The following UBN1 variants were observed in gnomAD, a reference collection of about 807,000 sequenced individuals.
UBN1 encodes ubinuclein 1, also known as ubinuclein-1.
Under a neutral mutation model 108.5 loss-of-function variants are expected in UBN1, and 17 were observed. That is an observed-to-expected ratio of 0.16 (90% confidence interval 0.11 to 0.24). The LOEUF is 0.24. Ranked by LOEUF, UBN1 falls within the 10% of genes least tolerant of loss-of-function variation. The pLI is 1.00. For synonymous variants in UBN1, 726 were observed against 564.2 expected (o/e 1.29, Z -4.07); for missense variants, 1,595 against 1,394.4 (o/e 1.14, Z -2.29).
At chr16:4,878,697 G>T (rs552374189) in intron 17 of UBN1, among the ~76,000 whole-genome samples, 1 of 152,152 alleles carries the variant, frequency 6.6e-6, no homozygotes, top group Non-Finnish European at 1.5e-5. Flanking sequence ...TTACTCTCAG[G>T]AATGTTACTC....
intron 10 of UBN1, 56 bp downstream of exon 10, chr16:4,870,690 C>T: frequency 6.2e-7 from 1 of 1,604,936 alleles, no homozygotes; most frequent in Non-Finnish European, 8.5e-7. Context: ...TCTTCCCCTC[C>T]CGTTTCTCGG....
At chr16:4,854,355 G>GT (rs35107315) in intron 2 of UBN1, among the ~76,000 whole-genome samples, 1 of 142,432 alleles carries the variant, frequency 7.0e-6, no homozygotes, top group South Asian at 2.3e-4. Context: ...TGTTGTTGTT[G>GT]TTTTTTGAGA....
intron 7 of UBN1, among the ~76,000 whole-genome samples, chr16:4,867,869 A>G (rs891160640): frequency 5.3e-5 from 8 of 152,150 alleles, no homozygotes; most frequent in Non-Finnish European, 1.0e-4. Context: ...TCGTTACTGT[A>G]TATCATGTCT....
rs748080695 is a variant in UBN1, at chr16:4,877,025, C to A, written c.3179C>A (p.Ala1060Asp). The A allele has an allele frequency of 1.1e-5, 17 of 1,614,128 alleles. No homozygotes were observed. In the East Asian group the frequency reaches 3.3e-4, roughly 32 times the overall value. ...PIPVHVLSFS[A>D]DSSAKAGVSK... ...CCTGTCCATGTGCTCTCCTTCAGCG[C>A]TGACTCCTCTGCCAAAGCAGGGGTC... The change falls in exon 16 of 18, where the codon GCT (alanine) becomes GAT (aspartate). Residue 1060 changes from alanine to aspartate, a missense_variant. Physicochemically the swap from Ala to Asp is moderately radical, Grantham distance 126 (BLOSUM62 -2). Coordinates refer to ENST00000262376, the MANE Select transcript of UBN1 (RefSeq NM_001079514.3). The surrounding 1 kb of genome is among the most constrained non-coding windows in gnomAD (Gnocchi z 4.3).
chr16:4,850,119 T>C lies in UBN1; in HGVS notation c.-40+1909T>C, dbSNP rs187606318. The stretch of plus-strand genomic sequence containing the variant: ...TATGATTGTAAGTCTAACGTACCAT[T>C]GTTAAATATATTGGATTCTCTTAAA... On this transcript the variant is annotated intron_variant, in intron 1 of 17. Coordinates refer to ENST00000262376, the MANE Select transcript of UBN1 (RefSeq NM_001079514.3). Among the ~76,000 whole-genome samples the C allele has an allele frequency of 2.6e-5, 4 of 152,298 alleles. No individual in the cohort carries two copies. The East Asian group carries it at 7.7e-4, about 29-fold the overall frequency.
At chr16:4,873,398 C>T (rs1567948075) in intron 14 of UBN1, among the ~76,000 whole-genome samples, 3 of 152,192 alleles carry the variant, frequency 2.0e-5, no homozygotes, top group Non-Finnish European at 4.4e-5. Flanking sequence ...GGAAGAAATA[C>T]ACTCTAGCCA....
chr16:4,871,420 T>A, intron 12 of UBN1, 119 bp downstream of exon 12: 1 of 1,374,670 alleles, frequency 7.3e-7, no homozygotes. Flanking sequence ...GCCTCAACTC[T>A]GATCTCACCT....
chr16:4,875,236 G>C lies in UBN1; in HGVS notation c.2826G>C (p.Val942=). ...SLVPGIQPPS[V]GQATSRPVPS... is the part of the protein sequence containing the mutation. ...TCCCTGGCATACAGCCTCCCTCCGT[G>C]GGACAGGCCACCAGCCGACCCGTCC... The change falls in exon 15 of 18, where the codon GTG becomes GTC. Residue 942 remains valine, a synonymous_variant. Transcript: ENST00000262376. The C allele has an allele frequency of 1.2e-6, 2 of 1,614,216 alleles. No individual in the cohort carries two copies. Among genetic ancestry groups the C allele is most frequent in the Non-Finnish European group, 8.5e-7 (1 of 1,180,054 alleles).
rs752656883 is a variant in UBN1, at chr16:4,874,854, A to G, written c.2444A>G (p.Lys815Arg). Residue 815 changes from lysine to arginine, a missense_variant, in exon 15 of 18, where the codon AAA becomes AGA. Physicochemically the swap from Lys to Arg is conservative, Grantham distance 26 (BLOSUM62 2). This residue lies in a region of UBN1 where 1,398 missense variants were observed against 1,194.7 expected (regional missense o/e 1.17). Transcript: ENST00000262376. Reference sequence around the variant, plus strand: ...TTTCATGCCGGCACTCAGCAGCAGAAAAACTTCACGCCCCCATCTCCATTT... The same window carrying G: ...TTTCATGCCGGCACTCAGCAGCAGAGAAACTTCACGCCCCCATCTCCATTT... ...KVFHAGTQQQ[K>R]NFTPPSPFAN... The G allele has an allele frequency of 6.2e-7, 1 of 1,614,110 alleles. No individual in the cohort carries two copies. Among genetic ancestry groups the G allele is most frequent in the East Asian group, 2.2e-5 (1 of 44,870 alleles).
At position 4,877,368 on chromosome 16, in the gene UBN1, C is replaced by G. The variant is rs368080340; in HGVS notation, c.3266-17C>G. 1.2e-6 allele frequency: 2 copies of G among 1,605,298 alleles called. No individual in the cohort carries two copies. The highest frequency in any genetic ancestry group is 1.3e-5 in the African/African-American group (1 of 74,590). ...TGTGTGTGTTTTGTTCTTTTCTCCC[C>G]TCCTGTTTTCTCTCAGGTCTTCTGG... On this transcript the variant is annotated splice_polypyrimidine_tract_variant and intron_variant, in intron 16 of 17. Transcript: ENST00000262376. This position sits in a 1 kb window ranked among gnomAD's most constrained non-coding sequence, Gnocchi z 4.3.
At chr16:4,855,360 A>AT (rs1398768912) in intron 2 of UBN1, among the ~76,000 whole-genome samples, 2 of 152,114 alleles carry the variant, frequency 1.3e-5, no homozygotes, top group Admixed American at 1.3e-4. Flanking sequence ...CACACCTGTA[A>AT]TCCCAGCACT....
chr16:4,858,046 G>A lies in UBN1; in HGVS notation c.306G>A (p.Glu102=), dbSNP rs1226087468. The A allele has an allele frequency of 1.2e-6, 2 of 1,613,348 alleles. No individual in the cohort carries two copies. Among genetic ancestry groups the A allele is most frequent in the Non-Finnish European group, 1.7e-6 (2 of 1,179,818 alleles). The change falls in exon 3 of 18, where the codon GAG becomes GAA. Residue 102 remains glutamate, a synonymous_variant. Transcript: ENST00000262376. ...NDEEKERHKV[E]ALARKFEEKY... is the part of the protein sequence containing the mutation. ...AAGAAAAGGAAAGGCATAAAGTAGA[G>A]GCCCTTGCCCGAAAATTTGAAGAAA...
Position 4,882,209 on chromosome 16 carries a change from G to GA in UBN1, c.*2080dup, listed in dbSNP as rs1204184065. The GA allele has an allele frequency of 6.5e-6, 1 of 152,674 alleles. No individual in the cohort carries two copies. Among genetic ancestry groups the GA allele is most frequent in the Admixed American group, 6.5e-5 (1 of 15,282 alleles). The allele number at this position is 152,674 out of a possible 1,614,324, so 9.5% of individuals were successfully genotyped here. A position where few individuals can be genotyped will look rare whatever the true frequency, so the allele number is the denominator to read the frequency against. On this transcript the variant is annotated 3_prime_UTR_variant, in exon 18 of 18. Transcript: ENST00000262376. ...GCTGCAGGGGTTTCCCTGGCGCAGC[G>GA]AAAGTCTCTGAGCACTTACCGGGCG...
Position 4,880,177 on chromosome 16 carries a change from G to T in UBN1, c.*45G>T. ...TGCCACTTGGGTCTGGGTGGAATCA[G>T]AACGTGCAGGTCTCCCAGGATGTAC... On this transcript the variant is annotated 3_prime_UTR_variant, in exon 18 of 18. Coordinates refer to ENST00000262376, the MANE Select transcript of UBN1 (RefSeq NM_001079514.3). 6.3e-7 allele frequency: 1 copy of T among 1,598,320 alleles called. No individual in the cohort carries two copies. Among genetic ancestry groups the T allele is most frequent in the Admixed American group, 1.7e-5 (1 of 59,986 alleles).
chr16:4,871,173 G>A lies in UBN1; in HGVS notation c.1578G>A (p.Val526=). The A allele has an allele frequency of 6.2e-7, 1 of 1,614,200 alleles. No homozygotes were observed. Among genetic ancestry groups the A allele is most frequent in the South Asian group, 1.1e-5 (1 of 91,082 alleles). Residue 526 remains valine, a synonymous_variant, in exon 12 of 18, where the codon GTG becomes GTA. Coordinates refer to ENST00000262376, the MANE Select transcript of UBN1 (RefSeq NM_001079514.3). ...NDEIRELLCQ[V]VKIKLESQDL... ...TTCTCAGGGAGCTACTGTGCCAGGT[G>A]GTGAAGATCAAACTGGAGAGCCAGG...
At position 4,874,315 on chromosome 16, in the gene UBN1, G is replaced by C; in HGVS notation, c.1905G>C (p.Gly635=). ...SDHQTGGLSI[G]ASSRELPSQA... ...ACCAAACAGGAGGCCTGAGTATTGG[G>C]GCCTCGAGCAGGGAGCTCCCATCCC... The change falls in exon 15 of 18, where the codon GGG becomes GGC. Residue 635 remains glycine, a synonymous_variant. Coordinates refer to ENST00000262376, the MANE Select transcript of UBN1 (RefSeq NM_001079514.3). The C allele has an allele frequency of 6.2e-7, 1 of 1,614,104 alleles. No homozygotes were observed. Among genetic ancestry groups the C allele is most frequent in the Non-Finnish European group, 8.5e-7 (1 of 1,180,032 alleles).
Position 4,874,493 on chromosome 16 carries a change from C to T in UBN1, c.2083C>T (p.Leu695=). ...SRAAGNSEFT[L]PAPSKAPAEK... ...AGCAGCTGGGAACTCTGAATTCACACTGCCTGCACCCTCAAAAGCACCTGC... is the reference window on the plus strand; with the variant it reads ...AGCAGCTGGGAACTCTGAATTCACATTGCCTGCACCCTCAAAAGCACCTGC... The change falls in exon 15 of 18, where the codon CTG becomes TTG. Residue 695 remains leucine, a synonymous_variant. Transcript: ENST00000262376. 6.2e-7 allele frequency: 1 copy of T among 1,614,246 alleles called. No individual in the cohort carries two copies. Among genetic ancestry groups the T allele is most frequent in the Non-Finnish European group, 8.5e-7 (1 of 1,180,046 alleles).
At chr16:4,864,305 G>A (rs1277861889) in intron 7 of UBN1, among the ~76,000 whole-genome samples, 4 of 151,984 alleles carry the variant, frequency 2.6e-5, no homozygotes, top group Non-Finnish European at 4.4e-5. Context: ...TATCCCATGT[G>A]TATTGATCCC....
In UBN1 at chr16:4,850,044, A is replaced by G. The variant is rs530593533; in HGVS notation, c.-40+1834A>G. ...AATAGATAAATGTAAGTTTTTTTTAAGCATTCAAACATGTTTGAACTTAAT... is the reference window on the plus strand; with the variant it reads ...AATAGATAAATGTAAGTTTTTTTTAGGCATTCAAACATGTTTGAACTTAAT... On this transcript the variant is annotated intron_variant, in intron 1 of 17. Coordinates refer to ENST00000262376, the MANE Select transcript of UBN1 (RefSeq NM_001079514.3). 5.3e-5 allele frequency among the ~76,000 whole-genome samples: 8 copies of G among 151,788 alleles called. 1 individual carries two copies. The highest frequency in any genetic ancestry group is 1.7e-4 in the African/African-American group (7 of 41,416).
Sources: gnomAD v4.1 joint callset for allele counts (sites outside exome capture counted in the v4.1 genomes callset) on GRCh38, gnomAD v4.1.1 for gene constraint, gnomAD v4.1.1 regional missense constraint, Gnocchi (gnomAD v3.1) non-coding constraint, MANE v1.5 for transcripts, NCBI Gene and HGNC (gene_info 2026-07-23, HGNC 2026-07-21) for gene names.